The following CUBN variants were observed in gnomAD, a reference collection of about 807,000 sequenced individuals.
CUBN encodes the protein 460 kDa receptor.
CUBN carries 282 observed loss-of-function variants against 405.3 expected under a neutral mutation model. The ratio of observed to expected loss-of-function variants is 0.70; its 90% CI spans 0.63 to 0.77. CUBN has a LOEUF of 0.77. CUBN is among the 30% of genes least tolerant of loss of function. The pLI is 0.00. For missense variants in CUBN, 4,514 were observed against 4,475.2 expected (o/e 1.01, Z -0.25); for synonymous variants, 1,684 against 1,617.0 (o/e 1.04, Z -0.99).
chr10:17,043,528 TTAAA>T (rs1424481998), intron 26 of CUBN, among the ~76,000 whole-genome samples: 11 of 152,228 alleles, frequency 7.2e-5, no homozygotes, highest in Admixed American at 2.6e-4. Context: ...TCTCAGCATA[TTAAA>T]TACTCTTCTA....
intron 14 of CUBN, among the ~76,000 whole-genome samples, chr10:17,092,566 A>G (rs1488842804): frequency 1.3e-5 from 2 of 152,176 alleles, no homozygotes; most frequent in Admixed American, 6.5e-5. Context: ...CAAAACCAAG[A>G]TGGTGAGGAA....
chr10:17,101,487 T>A (rs45548639), intron 13 of CUBN, among the ~76,000 whole-genome samples: 10,262 of 132,328 alleles, frequency 0.078, 503 homozygotes, highest in South Asian at 0.29. Context: ...CAAATAGTCC[T>A]CCCTCCTCAA....
At chr10:17,101,149 A>G (rs1232279671) in intron 13 of CUBN, among the ~76,000 whole-genome samples, 2 of 152,220 alleles carry the variant, frequency 1.3e-5, no homozygotes, top group South Asian at 2.1e-4. Context: ...CTATTACTAC[A>G]TGACTTTCTT....
intron 54 of CUBN, among the ~76,000 whole-genome samples, chr10:16,896,740 C>A (rs1045503183): frequency 2.0e-5 from 3 of 152,170 alleles, no homozygotes; most frequent in East Asian, 3.8e-4. Context: ...GCCACTAGTT[C>A]TTTGATTGTT....
At chr10:16,963,967 G>A (rs1319716156) in intron 31 of CUBN, among the ~76,000 whole-genome samples, 1 of 152,180 alleles carries the variant, frequency 6.6e-6, no homozygotes, top group South Asian at 2.1e-4. Flanking sequence ...CGGGGAACAG[G>A]GCATGGGATC....
chr10:16,981,634 C>T (rs1351967354), intron 31 of CUBN, among the ~76,000 whole-genome samples: 1 of 152,142 alleles, frequency 6.6e-6, no homozygotes, highest in Non-Finnish European at 1.5e-5. Flanking sequence ...TGGACGCTGC[C>T]GTGGGCCGTG....
intron 31 of CUBN, among the ~76,000 whole-genome samples, chr10:16,981,876 C>T (rs1311045704): frequency 6.6e-6 from 1 of 152,204 alleles, no homozygotes; most frequent in Non-Finnish European, 1.5e-5. Flanking sequence ...TTCTCCTCCA[C>T]TCCCATCTCC....
intron 65 of CUBN, 30 bp downstream of exon 65, chr10:16,831,222 G>A (rs1405372177): frequency 6.2e-7 from 1 of 1,607,804 alleles, no homozygotes; most frequent in Non-Finnish European, 8.5e-7. Flanking sequence ...TTCTCACAGT[G>A]CTTTCCTGTA....
At chr10:17,125,479 T>G (rs776393316) in intron 4 of CUBN, among the ~76,000 whole-genome samples, 11 of 152,360 alleles carry the variant, frequency 7.2e-5, no homozygotes, top group Admixed American at 2.6e-4. Flanking sequence ...TTTCTCTTTG[T>G]GCTAGCACAA....
chr10:17,058,304 T>A (rs553856362), intron 22 of CUBN, among the ~76,000 whole-genome samples: 4 of 152,122 alleles, frequency 2.6e-5, no homozygotes, highest in Middle Eastern at 3.4e-3. Context: ...AAGTATTCGA[T>A]AGCTTGAATG....
At chr10:17,056,312 A>G (rs1835394401) in intron 22 of CUBN, among the ~76,000 whole-genome samples, 1 of 152,140 alleles carries the variant, frequency 6.6e-6, no homozygotes, top group Non-Finnish European at 1.5e-5. Context: ...ATCTCAAACT[A>G]TAAAACTTCT....
rs867487481 is a variant in CUBN, at chr10:16,895,358, C to T, written c.8598+3638G>A. 6.0e-3 allele frequency among the ~76,000 whole-genome samples: 833 copies of T among 138,694 alleles called. 5 individuals are homozygous for T. The highest frequency in any genetic ancestry group is 0.025 in the African/African-American group (784 of 31,988). The allele number at this position is 138,694 out of a possible 152,430, so 91.0% of individuals were successfully genotyped here. A position where few individuals can be genotyped will look rare whatever the true frequency, so the allele number is the denominator to read the frequency against. On this transcript the variant is annotated intron_variant, in intron 54 of 66. Transcript: ENST00000377833. ...ATTTATACACACACACACACACACA[C>T]ATATATATACACACACACACACACA...
At chr10:16,956,207 A>G (rs1203468772) in intron 31 of CUBN, among the ~76,000 whole-genome samples, 1 of 152,178 alleles carries the variant, frequency 6.6e-6, no homozygotes, top group Non-Finnish European at 1.5e-5. Flanking sequence ...ATCAAATATC[A>G]ATAGGATTTT....
chr10:16,922,447 T>C (rs1373791818), intron 43 of CUBN, among the ~76,000 whole-genome samples: 1 of 152,116 alleles, frequency 6.6e-6, no homozygotes, highest in Admixed American at 6.6e-5. Flanking sequence ...CTTCCCCATC[T>C]CCAATGTTTT....
At chr10:16,915,767 A>T in intron 46 of CUBN, 54 bp downstream of exon 46, 2 of 1,458,540 alleles carry the variant, frequency 1.4e-6, no homozygotes, top group Non-Finnish European at 1.9e-6. Context: ...TCAGAGGCTG[A>T]ATAAGTACAT....
intron 43 of CUBN, among the ~76,000 whole-genome samples, chr10:16,922,586 G>A (rs776901430): frequency 2.0e-5 from 3 of 152,148 alleles, no homozygotes; most frequent in Non-Finnish European, 4.4e-5. Flanking sequence ...CCAGGGCCCT[G>A]AGCAGAGTGA....
At chr10:16,927,736 G>A (rs1842230921) in intron 41 of CUBN, among the ~76,000 whole-genome samples, 1 of 152,200 alleles carries the variant, frequency 6.6e-6, no homozygotes, top group African/African-American at 2.4e-5. Flanking sequence ...AACTCTTCCT[G>A]CCAACCCTCA....
intron 28 of CUBN, among the ~76,000 whole-genome samples, chr10:17,013,001 G>T (rs764781887): frequency 6.6e-6 from 1 of 152,206 alleles, no homozygotes; most frequent in African/African-American, 2.4e-5. Flanking sequence ...TGGGTTGTCA[G>T]TGGCCTCAGT....
chr10:16,894,949 C>T (rs1841136698), intron 54 of CUBN, among the ~76,000 whole-genome samples: 1 of 152,108 alleles, frequency 6.6e-6, no homozygotes, highest in Non-Finnish European at 1.5e-5. Flanking sequence ...TACACTGATC[C>T]ATCTGATCCT....
Sources: gnomAD v4.1 joint callset for allele counts (sites outside exome capture counted in the v4.1 genomes callset) on GRCh38, gnomAD v4.1.1 for gene constraint, MANE v1.5 for transcripts, NCBI Gene and HGNC (gene_info 2026-07-23, HGNC 2026-07-21) for gene names.